The following ECE1 variants were observed in gnomAD, a reference collection of about 807,000 sequenced individuals.
The protein encoded by ECE1 is endothelin converting enzyme 1, also known as endothelin-converting enzyme 1.
A neutral mutation model predicts 98.6 loss-of-function variants in ECE1; 35 were observed. The observed-to-expected ratio is 0.35, with a 90% CI of 0.27 to 0.47. ECE1 has a LOEUF of 0.47. Among genes scored for constraint, ECE1 ranks in the 20% least tolerant of loss-of-function variants. The probability of loss-of-function intolerance (pLI) is 1.00; values close to 1 mark genes in which losing one functional copy is unlikely to be tolerated. For missense variants in ECE1, 814 were observed against 1,025.3 expected, an observed-to-expected ratio of 0.79 and a Z score of 2.81; for synonymous variants, 394 against 407.1, an observed-to-expected ratio of 0.97 and a Z score of 0.39.
chr1:21,294,065 T>C (rs891987049), upstream of ECE1: 5 of 152,560 alleles, frequency 3.3e-5, no homozygotes, highest in African/African-American at 1.2e-4. This position sits in a 1 kb window ranked among gnomAD's most constrained non-coding sequence, Gnocchi z 4.2. Flanking sequence ...AATGCGAATC[T>C]TCCCCTTGCC....
At chr1:21,312,262 A>C (rs2103391917) in intron 1 of ECE1, among the ~76,000 whole-genome samples, 1 of 146,630 alleles carries the variant, frequency 6.8e-6, no homozygotes, top group African/African-American at 2.5e-5. Flanking sequence ...ACAATGCAAA[A>C]CCTTGTCTCT....
chr1:21,235,831 C>G lies in ECE1; in HGVS notation c.1566+19G>C. The G allele has an allele frequency of 6.2e-7, 1 of 1,613,692 alleles. No individual in the cohort carries two copies. Among genetic ancestry groups the G allele is most frequent in the Non-Finnish European group, 8.5e-7 (1 of 1,179,546 alleles). On this transcript the variant is annotated intron_variant, in intron 13 of 18. Coordinates refer to ENST00000374893, the MANE Select transcript of ECE1 (RefSeq NM_001397.3). The surrounding 1 kb of genome is among the most constrained non-coding windows in gnomAD (Gnocchi z 4.2). Reference sequence around the variant, plus strand: ...GGGGGCATTTAGGAACGCAAGGGGGCAGGGCAGCAGCTACTCACGTCATTA... The same window carrying G: ...GGGGGCATTTAGGAACGCAAGGGGGGAGGGCAGCAGCTACTCACGTCATTA...
In ECE1 at chr1:21,268,589, G is replaced by T. The variant is rs2098236787; in HGVS notation, c.493+4110C>A. Among the ~76,000 whole-genome samples, 4 of 152,348 alleles carry T rather than the reference G, an allele frequency of 2.6e-5. No individual in the cohort carries two copies. The South Asian group carries it at 8.3e-4, about 32-fold the overall frequency. On this transcript the variant is annotated intron_variant, in intron 4 of 18. Transcript: ENST00000374893. The stretch of plus-strand genomic sequence containing the variant: ...GCAGATGGTAATAACTATCTTGCCG[G>T]ATCGGCTGACACAATCCACACTGGC...
At chr1:21,279,413 G>A (rs771941453) in intron 2 of ECE1, 81 bp from the exon 3 acceptor site, 43 of 1,608,718 alleles carry the variant, frequency 2.7e-5, no homozygotes, top group Non-Finnish European at 3.5e-5. Flanking sequence ...TTCCGCTGCA[G>A]GCCCAGGCCC....
intron 1 of ECE1, among the ~76,000 whole-genome samples, chr1:21,316,990 T>C (rs1638844497): frequency 6.6e-6 from 1 of 151,956 alleles, no homozygotes; most frequent in Non-Finnish European, 1.5e-5. Context: ...GGAGTAACAG[T>C]ATCAAGACAG....
At chr1:21,246,134 A>G (rs1420790789) in intron 9 of ECE1, among the ~76,000 whole-genome samples, 1 of 152,204 alleles carries the variant, frequency 6.6e-6, no homozygotes, top group Non-Finnish European at 1.5e-5. Context: ...TTGGGGAGTT[A>G]GGAAAAAAAT....
At chr1:21,316,162 T>C (rs1167482019) in intron 1 of ECE1, among the ~76,000 whole-genome samples, 1 of 152,256 alleles carries the variant, frequency 6.6e-6, no homozygotes, top group Non-Finnish European at 1.5e-5. Context: ...AACATTACTG[T>C]CCTTAAGGGG....
At chr1:21,281,611 C>T (rs867872094) in intron 2 of ECE1, among the ~76,000 whole-genome samples, 14 of 152,320 alleles carry the variant, frequency 9.2e-5, no homozygotes, top group Middle Eastern at 6.8e-3. Context: ...TTTGTTTCAT[C>T]CTTCCTCCTT....
intron 4 of ECE1, among the ~76,000 whole-genome samples, chr1:21,265,286 C>T (rs1417459071): frequency 1.3e-5 from 2 of 152,186 alleles, no homozygotes; most frequent in Non-Finnish European, 2.9e-5. Flanking sequence ...AATCCCAGCA[C>T]TTTGGGAGGC....
intron 2 of ECE1, among the ~76,000 whole-genome samples, chr1:21,280,448 T>C (rs111288602): frequency 1.3e-5 from 2 of 151,912 alleles, no homozygotes; most frequent in African/African-American, 2.4e-5. Context: ...TCAGAATAAG[T>C]AGGAGCTGGC....
rs1179543713 is a variant in ECE1 at position 21,219,762 on chromosome 1, C to A, written c.*193G>T. 7.3e-6 allele frequency: 5 copies of A among 688,138 alleles called. No individual in the cohort carries two copies. The highest frequency in any genetic ancestry group is 1.8e-5 in the African/African-American group (1 of 56,492). The allele number at this position is 688,138 out of a possible 1,614,324, so 42.6% of individuals were successfully genotyped here. ...GCACACGTGTGCCTGGGATGTCCGG[C>A]TCTTCACAGGGGATCAGACTGCGGG... On this transcript the variant is annotated 3_prime_UTR_variant, in exon 19 of 19. Transcript: ENST00000374893. The surrounding 1 kb of genome is among the most constrained non-coding windows in gnomAD (Gnocchi z 4.5).
chr1:21,317,063 G>A (rs1383868101), intron 1 of ECE1, among the ~76,000 whole-genome samples: 3 of 152,060 alleles, frequency 2.0e-5, no homozygotes, highest in African/African-American at 7.2e-5. Context: ...ACGGACTGGG[G>A]GTGTGGGGGT....
intron 2 of ECE1, among the ~76,000 whole-genome samples, chr1:21,280,296 T>C (rs577085642): frequency 5.1e-4 from 78 of 152,278 alleles, no homozygotes; most frequent in African/African-American, 1.8e-3. Flanking sequence ...CACCGTGTCA[T>C]GTGCTAACAG....
upstream of ECE1, among the ~76,000 whole-genome samples, chr1:21,291,828 A>G (rs1308642443): frequency 6.6e-6 from 1 of 151,836 alleles, no homozygotes; most frequent in East Asian, 1.9e-4. Context: ...CTCCATCTCA[A>G]ACAAACAAAC....
chr1:21,336,411 G>A (rs548672607), intron 1 of ECE1, among the ~76,000 whole-genome samples: 1 of 152,028 alleles, frequency 6.6e-6, no homozygotes, highest in Non-Finnish European at 1.5e-5. Flanking sequence ...AACATTCACT[G>A]AGGCCGGGCG....
In ECE1 at chr1:21,235,835, GC is replaced by G; in HGVS notation, c.1566+14del. ...GCATTTAGGAACGCAAGGGGGCAGGGCAGCAGCTACTCACGTCATTAAACAC... is the reference window on the plus strand; with the variant it reads ...GCATTTAGGAACGCAAGGGGGCAGGGAGCAGCTACTCACGTCATTAAACAC... On this transcript the variant is annotated intron_variant, in intron 13 of 18. Coordinates refer to ENST00000374893, the MANE Select transcript of ECE1 (RefSeq NM_001397.3). This position sits in a 1 kb window ranked among gnomAD's most constrained non-coding sequence, Gnocchi z 4.2. The G allele has an allele frequency of 1.2e-6, 2 of 1,613,942 alleles. No homozygotes were observed. Among genetic ancestry groups the G allele is most frequent in the Non-Finnish European group, 1.7e-6 (2 of 1,179,762 alleles).
chr1:21,256,027 G>C lies in ECE1; in HGVS notation c.940C>G (p.Leu314Val). 3.1e-6 allele frequency: 5 copies of C among 1,613,894 alleles called. No individual in the cohort carries two copies. Among genetic ancestry groups the C allele is most frequent in the Middle Eastern group, 1.7e-4 (1 of 6,060 alleles). ...TCCTGTGGGATGGTGATGTTGGCCAGTGCCGTCTCAAAGTCCAAGATCTGC... is the reference window on the plus strand; with the variant it reads ...TCCTGTGGGATGGTGATGTTGGCCACTGCCGTCTCAAAGTCCAAGATCTGC... The part of the protein sequence containing the change: ...MQQILDFETA[L>V]ANITIPQEKR... The change falls in exon 8 of 19, where the codon CTG (leucine) becomes GTG (valine). Residue 314 changes from leucine to valine, a missense_variant. Leu to Val is a conservative substitution (Grantham distance 32). Coordinates refer to ENST00000374893, the MANE Select transcript of ECE1 (RefSeq NM_001397.3).
chr1:21,243,016 C>A (rs952873619), intron 10 of ECE1, among the ~76,000 whole-genome samples: 2 of 152,194 alleles, frequency 1.3e-5, no homozygotes, highest in Non-Finnish European at 2.9e-5. Context: ...CCTCTTCCTC[C>A]ATATCAGCCC....
At chr1:21,284,470 C>T (rs1385593561) in intron 2 of ECE1, among the ~76,000 whole-genome samples, 1 of 151,966 alleles carries the variant, frequency 6.6e-6, no homozygotes, top group Non-Finnish European at 1.5e-5. Flanking sequence ...GAGGGGGTGC[C>T]CTCAAAAGAG....
Sources: gnomAD v4.1 joint callset for allele counts (sites outside exome capture counted in the v4.1 genomes callset) on GRCh38, gnomAD v4.1.1 for gene constraint, Gnocchi (gnomAD v3.1) non-coding constraint, MANE v1.5 for transcripts, NCBI Gene and HGNC (gene_info 2026-07-23, HGNC 2026-07-21) for gene names.